TK2: variants seen among roughly 807,000 people sequenced by gnomAD.
TK2 encodes thymidine kinase 2.
Under a neutral mutation model 41.9 loss-of-function variants are expected in TK2, and 35 were observed. That is an observed-to-expected ratio of 0.84 (90% CI 0.64 to 1.11). TK2 has a LOEUF of 1.11. Ranked by LOEUF, TK2 falls within the 50% of genes least tolerant of loss-of-function variation. The probability of loss-of-function intolerance (pLI) is 0.00; values close to 1 mark genes in which losing one functional copy is unlikely to be tolerated. For missense variants in TK2, 320 were observed against 351.1 expected (o/e 0.91, Z 0.71); for synonymous variants, 128 against 129.1 (o/e 0.99, Z 0.06).
chr16:66,527,374 C>T (rs536218523), intron 6 of TK2, among the ~76,000 whole-genome samples: 2 of 152,284 alleles, frequency 1.3e-5, no homozygotes, highest in Admixed American at 1.3e-4. Context: ...CAGCTCAGGG[C>T]TCCTAGGAGA....
At chr16:66,549,352 G>C (rs1317622660) in intron 1 of TK2, 1 of 1,144,858 alleles carries the variant, frequency 8.7e-7, no homozygotes, top group Non-Finnish European at 1.1e-6. Flanking sequence ...ACGGGGAAGA[G>C]TGGGCGGCGG....
Position 66,509,533 on chromosome 16 carries a change from T to C in TK2, c.*2435A>G, listed in dbSNP as rs911123714. 7 of 152,258 alleles carry C rather than the reference T, an allele frequency of 4.6e-5. No individual in the cohort carries two copies. Among genetic ancestry groups the C allele is most frequent in the African/African-American group, 1.7e-4 (7 of 41,470 alleles). 9.4% of individuals were successfully genotyped at this position (152,258 alleles called of 1,614,324 possible). On this transcript the variant is annotated 3_prime_UTR_variant, in exon 10 of 10. Coordinates refer to ENST00000544898, the MANE Select transcript of TK2 (RefSeq NM_004614.5). Reference sequence around the variant, plus strand: ...TAAATGCTAATTGAAAGAAAATGTATATGTGCAACAAAAAAGTCAGCGAGA... The same window carrying C: ...TAAATGCTAATTGAAAGAAAATGTACATGTGCAACAAAAAAGTCAGCGAGA...
In TK2 at chr16:66,517,749, G is replaced by C; in HGVS notation, c.538+40C>G. 1.3e-6 allele frequency: 2 copies of C among 1,596,168 alleles called. No homozygotes were observed. The highest frequency in any genetic ancestry group is 1.7e-6 in the Non-Finnish European group (2 of 1,163,616). ...CCAAGCACATCCTCAAGGGACCCAGGAGAGAGACAAGAGAGGGAGGTGGGA... is the reference window on the plus strand; with the variant it reads ...CCAAGCACATCCTCAAGGGACCCAGCAGAGAGACAAGAGAGGGAGGTGGGA... On this transcript the variant is annotated intron_variant, in intron 7 of 9. Transcript: ENST00000544898. The surrounding 1 kb of genome is among the most constrained non-coding windows in gnomAD (Gnocchi z 4.3).
intron 2 of TK2, among the ~76,000 whole-genome samples, chr16:66,544,147 A>C (rs1350567526): frequency 1.3e-5 from 2 of 152,124 alleles, no homozygotes; most frequent in Admixed American, 1.3e-4. Flanking sequence ...AATCCTGAAG[A>C]GCTGGTGAAT....
At chr16:66,548,003 C>A in intron 2 of TK2, 1 of 1,275,048 alleles carries the variant, frequency 7.8e-7, no homozygotes, top group Non-Finnish European at 1.0e-6. Flanking sequence ...GAGGCTGATG[C>A]CAGAGGATCA....
At chr16:66,536,217 A>C (rs922518689) in intron 4 of TK2, among the ~76,000 whole-genome samples, 6 of 151,930 alleles carry the variant, frequency 3.9e-5, no homozygotes, top group Non-Finnish European at 4.4e-5. Flanking sequence ...AAAAAAAAAA[A>C]AAATCACAGG....
chr16:66,517,968 G>T lies in TK2; in HGVS notation c.450-91C>A. ...AAAGGATCTTGAGACGGCTCTCAAT[G>T]AAAGGAGTCACCAAGGGTACCAGGG... On this transcript the variant is annotated intron_variant, in intron 6 of 9. Transcript: ENST00000544898. The surrounding 1 kb of genome is among the most constrained non-coding windows in gnomAD (Gnocchi z 4.3). The T allele has an allele frequency of 1.9e-6, 2 of 1,049,356 alleles. No individual in the cohort carries two copies. The highest frequency in any genetic ancestry group is 1.3e-5 in the South Asian group (1 of 79,408). 65.0% of individuals were successfully genotyped at this position (1,049,356 alleles called of 1,614,324 possible).
At chr16:66,518,653 G>A (rs753123012) in intron 6 of TK2, among the ~76,000 whole-genome samples, 1 of 152,300 alleles carries the variant, frequency 6.6e-6, no homozygotes, top group East Asian at 1.9e-4. Context: ...AGTAACTGAA[G>A]GATGATATTG....
intron 2 of TK2, among the ~76,000 whole-genome samples, chr16:66,544,447 T>G (rs937739237): frequency 6.6e-6 from 1 of 152,202 alleles, no homozygotes; most frequent in African/African-American, 2.4e-5. Flanking sequence ...TTCTATACAG[T>G]CCTCATCTTT....
intron 3 of TK2, among the ~76,000 whole-genome samples, chr16:66,538,100 T>C (rs1597102061): frequency 6.6e-6 from 1 of 152,040 alleles, no homozygotes; most frequent in Non-Finnish European, 1.5e-5. Flanking sequence ...GAGGCAAAGG[T>C]TGCAGTGAGC....
At chr16:66,538,784 G>A (rs1022169563) in intron 3 of TK2, among the ~76,000 whole-genome samples, 1 of 152,232 alleles carries the variant, frequency 6.6e-6, no homozygotes, top group Admixed American at 6.5e-5. Flanking sequence ...CAGATCTGAA[G>A]GGAGAGTGGT....
At chr16:66,531,713 A>G (rs1333207819) in intron 4 of TK2, among the ~76,000 whole-genome samples, 1 of 152,226 alleles carries the variant, frequency 6.6e-6, no homozygotes, top group Admixed American at 6.5e-5. Flanking sequence ...GACCGGAGGA[A>G]TTAGGCCAGA....
rs1270004470 is a variant in TK2, at chr16:66,517,291, G to A, written c.539-76C>T. ...GCAAAGCAGGCACACAGGCAAAGGCGGGAGGAAGGTCTGCACAGCTCGAGC... is the reference window on the plus strand; with the variant it reads ...GCAAAGCAGGCACACAGGCAAAGGCAGGAGGAAGGTCTGCACAGCTCGAGC... On this transcript the variant is annotated intron_variant, in intron 7 of 9. Transcript: ENST00000544898. This position sits in a 1 kb window ranked among gnomAD's most constrained non-coding sequence, Gnocchi z 4.3. The A allele has an allele frequency of 5.5e-6, 7 of 1,282,996 alleles. No individual in the cohort carries two copies. The highest frequency in any genetic ancestry group is 1.7e-5 in the Admixed American group (1 of 59,582). 79.5% of individuals were successfully genotyped at this position (1,282,996 alleles called of 1,614,324 possible).
rs948652936 is a variant in TK2 at position 66,541,770 on chromosome 16, C to T, written c.231+109G>A. On this transcript the variant is annotated intron_variant, in intron 3 of 9. Coordinates refer to ENST00000544898, the MANE Select transcript of TK2 (RefSeq NM_004614.5). ...AATGTTAAATTACACCTGTGGCTTG[C>T]ACTTGTGGCTCAAATTATAGTCCTA... 7 of 1,142,816 alleles carry T rather than the reference C, an allele frequency of 6.1e-6. No homozygotes were observed. In the African/African-American group the frequency reaches 7.6e-5, roughly 12 times the overall value. The allele number at this position is 1,142,816 out of a possible 1,614,324, so 70.8% of individuals were successfully genotyped here.
chr16:66,533,463 T>A (rs1965182359), intron 4 of TK2, among the ~76,000 whole-genome samples: 1 of 150,430 alleles, frequency 6.6e-6, no homozygotes, highest in African/African-American at 2.4e-5. Context: ...GGCAGGAGGA[T>A]CACTTGAGCC....
At chr16:66,539,359 G>C (rs1309804975) in intron 3 of TK2, among the ~76,000 whole-genome samples, 2 of 152,168 alleles carry the variant, frequency 1.3e-5, no homozygotes, top group East Asian at 3.9e-4. Flanking sequence ...AGCACTTTGG[G>C]AGGCTGAGGT....
chr16:66,515,796 A>C (rs1189742952), intron 8 of TK2, among the ~76,000 whole-genome samples: 3 of 152,214 alleles, frequency 2.0e-5, no homozygotes, highest in African/African-American at 7.2e-5. Flanking sequence ...AAGATTTCAA[A>C]GGAGCTGCCC....
chr16:66,516,503 G>A (rs534916291), intron 8 of TK2, among the ~76,000 whole-genome samples: 1 of 152,320 alleles, frequency 6.6e-6, no homozygotes, highest in South Asian at 2.1e-4. Context: ...GAGTGGTGAT[G>A]AGTATTGGAA....
intron 6 of TK2, among the ~76,000 whole-genome samples, chr16:66,523,593 CTGAGGCAGG>C (rs1964843809): frequency 6.6e-6 from 1 of 152,210 alleles, no homozygotes; most frequent in Non-Finnish European, 1.5e-5. Flanking sequence ...CTTTGGGAGG[CTGAGGCAGG>C]CAGATCACTT....
Sources: allele counts gnomAD v4.1 joint callset (sites outside exome capture counted in the v4.1 genomes callset), GRCh38; gene constraint gnomAD v4.1.1; non-coding constraint Gnocchi (gnomAD v3.1); transcripts MANE v1.5; gene names NCBI Gene and HGNC (gene_info 2026-07-23, HGNC 2026-07-21).